ATRX: variants seen among roughly 807,000 people sequenced by gnomAD.
ATRX encodes the protein ATRX chromatin remodeler.
A neutral mutation model predicts 172.6 loss-of-function variants in ATRX; 12 were observed. The observed-to-expected ratio is 0.07, with a 90% CI of 0.04 to 0.11. ATRX has a LOEUF of 0.11. Ranked by LOEUF, ATRX falls within the 10% of genes least tolerant of loss-of-function variation. The pLI, the probability that ATRX is intolerant of heterozygous loss-of-function variation, is 1.00. For synonymous variants in ATRX, 674 were observed against 594.7 expected (o/e 1.13, Z -1.94); for missense variants, 1,368 against 1,767.4 (o/e 0.77, Z 4.05).
At position 77,786,015 on chromosome X, in the gene ATRX, C is replaced by T. The variant is rs45472092; in HGVS notation, c.-14G>A. Reference sequence around the variant, plus strand: ...CTCAGCGGTCATGTTTTCGCTTGAACGCCTTGTCGGCTTCTGTGATTGCTG... The same window carrying T: ...CTCAGCGGTCATGTTTTCGCTTGAATGCCTTGTCGGCTTCTGTGATTGCTG... On this transcript the variant is annotated 5_prime_UTR_variant, in exon 1 of 35. Coordinates refer to ENST00000373344, the MANE Select transcript of ATRX (RefSeq NM_000489.6). The T allele has an allele frequency of 0.01, 12,455 of 1,188,897 alleles. 104 individuals are homozygous for T. The highest frequency in any genetic ancestry group is 0.057 in the Admixed American group (2,443 of 42,837).
chrX:77,673,841 TTTCAAAAC>T (rs1193854015), intron 10 of ATRX: 2 of 110,935 alleles, frequency 1.8e-5, no homozygotes, highest in African/African-American at 6.5e-5. Context: ...AATTTCAAAA[TTTCAAAAC>T]TTCTTTGGCT....
At chrX:77,524,378 C>T (rs1178022706) in intron 30 of ATRX, among the ~76,000 whole-genome samples, 1 of 111,999 alleles carries the variant, frequency 8.9e-6, no homozygotes, top group Non-Finnish European at 1.9e-5. Context: ...TGGAGGTATA[C>T]ATACAGCACA....
At chrX:77,768,508 CTATT>C (rs1557197390) in intron 1 of ATRX, among the ~76,000 whole-genome samples, 1 of 111,982 alleles carries the variant, frequency 8.9e-6, no homozygotes, top group African/African-American at 3.2e-5. Flanking sequence ...CTTTTATTTT[CTATT>C]TATTTATTCA....
chrX:77,655,141 G>A (rs2069478428), intron 13 of ATRX, among the ~76,000 whole-genome samples: 1 of 110,879 alleles, frequency 9.0e-6, no homozygotes, highest in Admixed American at 9.6e-5. Flanking sequence ...CAGGGAAGAG[G>A]AAAAAGAGAG....
chrX:77,604,411 A>G (rs1557089050), intron 22 of ATRX, among the ~76,000 whole-genome samples: 1 of 112,561 alleles, frequency 8.9e-6, no homozygotes, highest in East Asian at 2.8e-4. Context: ...CAACATCACT[A>G]AACGTCAGAA....
intron 30 of ATRX, among the ~76,000 whole-genome samples, chrX:77,541,827 A>G (rs1395802081): frequency 8.9e-6 from 1 of 111,808 alleles, no homozygotes; most frequent in African/African-American, 3.3e-5. Context: ...TCAAAATAAT[A>G]AGAGCTATTT....
chrX:77,572,860 T>C (rs1557068336), intron 28 of ATRX, among the ~76,000 whole-genome samples: 3 of 111,995 alleles, frequency 2.7e-5, no homozygotes. Flanking sequence ...TAATTAATAA[T>C]CTTCCTAAAA....
At chrX:77,614,193 C>A (rs782507587) in intron 22 of ATRX, among the ~76,000 whole-genome samples, 1 of 111,798 alleles carries the variant, frequency 8.9e-6, no homozygotes, top group African/African-American at 3.2e-5. Context: ...ATTTAACAGA[C>A]AAAATACCAA....
intron 1 of ATRX, among the ~76,000 whole-genome samples, chrX:77,777,191 T>TAAAAAAAAAAAAAA (rs782165810): frequency 4.8e-5 from 1 of 21,042 alleles, no homozygotes; most frequent in African/African-American, 1.8e-4. Flanking sequence ...CTGTCTCTAC[T>TAAAAAAAAAAAAAA]AAAAAAAAAA....
chrX:77,749,718 G>A (rs2075227862), intron 1 of ATRX, among the ~76,000 whole-genome samples: 2 of 111,602 alleles, frequency 1.8e-5, no homozygotes, highest in Non-Finnish European at 1.9e-5. Context: ...AATATTAAAC[G>A]GAAAATTCCA....
At chrX:77,613,840 T>G (rs2067254408) in intron 22 of ATRX, among the ~76,000 whole-genome samples, 1 of 112,069 alleles carries the variant, frequency 8.9e-6, no homozygotes, top group Non-Finnish European at 1.9e-5. Context: ...AGACTAATAT[T>G]TAGTTATTAA....
At chrX:77,749,336 A>AAC (rs1434940576) in intron 1 of ATRX, among the ~76,000 whole-genome samples, 1 of 110,782 alleles carries the variant, frequency 9.0e-6, no homozygotes, top group African/African-American at 3.3e-5. Context: ...TATACACACA[A>AAC]ACACACACAC....
intron 30 of ATRX, among the ~76,000 whole-genome samples, chrX:77,525,233 A>T (rs1439154496): frequency 2.7e-5 from 3 of 112,170 alleles, no homozygotes; most frequent in Non-Finnish European, 3.8e-5. Flanking sequence ...TCTCTGGCTT[A>T]TGCCACATAC....
intron 30 of ATRX, among the ~76,000 whole-genome samples, chrX:77,531,612 G>A (rs2063577755): frequency 8.9e-6 from 1 of 111,782 alleles, no homozygotes; most frequent in African/African-American, 3.3e-5. Flanking sequence ...CAATAAACTA[G>A]GCATTGAAGG....
At chrX:77,551,677 G>A (rs782280525) in intron 30 of ATRX, among the ~76,000 whole-genome samples, 182 of 111,705 alleles carry the variant, frequency 1.6e-3, no homozygotes, top group African/African-American at 4.0e-3. Flanking sequence ...CAGAGTGAAT[G>A]GGCAACCTAT....
chrX:77,719,910 T>C (rs2073658435), intron 1 of ATRX, among the ~76,000 whole-genome samples: 1 of 111,740 alleles, frequency 8.9e-6, no homozygotes, highest in African/African-American at 3.3e-5. Context: ...GTGCTTATTC[T>C]AAAACTGACC....
At chrX:77,648,143 T>G (rs1557114801) in intron 15 of ATRX, among the ~76,000 whole-genome samples, 1 of 111,386 alleles carries the variant, frequency 9.0e-6, no homozygotes, top group East Asian at 2.8e-4. Flanking sequence ...AAGCAAAATC[T>G]GAGAGACCTA....
chrX:77,750,610 C>A (rs1314250359), intron 1 of ATRX, among the ~76,000 whole-genome samples: 1 of 109,887 alleles, frequency 9.1e-6, no homozygotes, highest in Admixed American at 9.8e-5. Flanking sequence ...GTTTGCTGCA[C>A]CTATCAACCC....
In ATRX at chrX:77,598,675, A is replaced by T. The variant is rs782201920; in HGVS notation, c.5956+736T>A. On this transcript the variant is annotated intron_variant, in intron 25 of 34. Transcript: ENST00000373344. ...TTCAAATAGGCAGACATTTGGTCCC[A>T]GTTTTTAAGCTCCTAGGCATACAGG... Among the ~76,000 whole-genome samples, 4 of 111,676 alleles carry T rather than the reference A, an allele frequency of 3.6e-5. No individual in the cohort carries two copies. The South Asian group carries it at 1.5e-3, about 42-fold the overall frequency.
Sources: gnomAD v4.1 joint callset for allele counts (sites outside exome capture counted in the v4.1 genomes callset) on GRCh38, gnomAD v4.1.1 for gene constraint, MANE v1.5 for transcripts, NCBI Gene and HGNC (gene_info 2026-07-23, HGNC 2026-07-21) for gene names.